SNX20: variants seen among roughly 807,000 people sequenced by gnomAD.
SNX20 encodes sorting nexin-20.
Under a neutral mutation model 24.5 loss-of-function variants are expected in SNX20, and 21 were observed. That is an observed-to-expected ratio of 0.86 (90% CI 0.61 to 1.23). The LOEUF (loss-of-function observed/expected upper bound fraction) is 1.23. Ranked by LOEUF, SNX20 falls within the 50% of genes most tolerant of loss-of-function variation. The probability of loss-of-function intolerance (pLI) is 0.00; values close to 1 mark genes in which losing one functional copy is unlikely to be tolerated. For synonymous variants in SNX20, 206 were observed against 192.8 expected, an observed-to-expected ratio of 1.07 and a Z score of -0.57; for missense variants, 433 against 430.8, an observed-to-expected ratio of 1.00 and a Z score of -0.04.
downstream of SNX20, chr16:50,669,188 T>C: frequency 4.3e-6 from 4 of 931,342 alleles, no homozygotes; most frequent in Non-Finnish European, 5.2e-6. Flanking sequence ...TAAAGGCGTG[T>C]CAGTCCATTT....
At chr16:50,674,861 T>C (rs1215952104) in intron 3 of SNX20, among the ~76,000 whole-genome samples, 2 of 152,132 alleles carry the variant, frequency 1.3e-5, no homozygotes, top group Non-Finnish European at 1.5e-5. Flanking sequence ...TTACGGGCAA[T>C]TATATATTAA....
At position 50,674,073 on chromosome 16, in the gene SNX20, A is replaced by C. The variant is rs780653668; in HGVS notation, c.284T>G (p.Val95Gly). The C allele has an allele frequency of 1.3e-6, 2 of 1,591,400 alleles. No individual in the cohort carries two copies. The highest frequency in any genetic ancestry group is 1.7e-6 in the Non-Finnish European group (2 of 1,167,356). ...AGTCTGGATGACGATGATTTGGTAC[A>C]CCTAGGGCGCAACCAGAGAGAGCTG... ...IEERKVSKFV[V>G]YQIIVIQTGS... The change falls in exon 4 of 4, where the codon GTG becomes GGG. Residue 95 changes from valine (V) to glycine (G), a missense_variant and splice_region_variant. Transcript: ENST00000330943.
downstream of SNX20, chr16:50,669,120 GTC>G: frequency 6.8e-7 from 1 of 1,471,906 alleles, no homozygotes; most frequent in Non-Finnish European, 9.3e-7. Context: ...CCCTGGATAA[GTC>G]ATCTCTCCAG....
In SNX20 at chr16:50,673,458, G is replaced by A. The variant is rs1963098906; in HGVS notation, c.899C>T (p.Thr300Met). Reference protein sequence around the residue: ...RLEESQLRRPTPRGITLKELT... With the variant: ...RLEESQLRRPMPRGITLKELT... ...CTCCTTCAGGGTGATGCCTCGGGGC[G>A]TGGGCCTCCGGAGCTGGCTCTCCTC... is the stretch of plus-strand genomic sequence containing the variant. The change falls in exon 4 of 4, where the codon ACG becomes ATG. Residue 300 changes from threonine to methionine, a missense_variant. Thr to Met is a moderately conservative substitution (Grantham distance 81, BLOSUM62 -1). Coordinates refer to ENST00000330943, the MANE Select transcript of SNX20 (RefSeq NM_182854.4). The surrounding 1 kb of genome is among the most constrained non-coding windows in gnomAD (Gnocchi z 4.1). 1.9e-6 allele frequency: 3 copies of A among 1,599,166 alleles called. No individual in the cohort carries two copies. Among genetic ancestry groups the A allele is most frequent in the Non-Finnish European group, 2.6e-6 (3 of 1,173,724 alleles).
Position 50,677,533 on chromosome 16 carries a change from A to G in SNX20, c.-7T>C, listed in dbSNP as rs746326672. ...GGTGCTCTGGACTTGCCATGCTCCAAGGCTGCCAGAGGAAAAAGAGAACAG... is the reference window on the plus strand; with the variant it reads ...GGTGCTCTGGACTTGCCATGCTCCAGGGCTGCCAGAGGAAAAAGAGAACAG... On this transcript the variant is annotated splice_region_variant and 5_prime_UTR_variant, in exon 2 of 4. Coordinates refer to ENST00000330943, the MANE Select transcript of SNX20 (RefSeq NM_182854.4). The G allele has an allele frequency of 3.2e-6, 5 of 1,560,460 alleles. No individual in the cohort carries two copies. In the South Asian group the frequency reaches 4.6e-5, roughly 14 times the overall value.
chr16:50,674,455 C>T (rs1367238347), intron 3 of SNX20, among the ~76,000 whole-genome samples: 1 of 151,912 alleles, frequency 6.6e-6, no homozygotes, highest in Admixed American at 6.6e-5. Context: ...GCTGTGTTGC[C>T]CAGGCTGGTC....
At chr16:50,675,977 G>A in intron 2 of SNX20, 56 bp from the exon 3 acceptor site, 1 of 1,519,046 alleles carries the variant, frequency 6.6e-7, no homozygotes, top group Non-Finnish European at 8.8e-7. Flanking sequence ...TCCGAGGCAT[G>A]GGCTTGGGGA....
intron 3 of SNX20, 25 bp downstream of exon 3, chr16:50,675,745 C>G (rs112121279): frequency 6.2e-7 from 1 of 1,610,412 alleles, no homozygotes; most frequent in Non-Finnish European, 8.5e-7. Flanking sequence ...GAAAGAGGCT[C>G]CACCATTTCC....
At position 50,672,491 on chromosome 16, in the gene SNX20, C is replaced by G. The variant is rs1963070801; in HGVS notation, c.*915G>C. 1 of 139,176 alleles carries G rather than the reference C, an allele frequency of 7.2e-6. No homozygotes were observed. Among genetic ancestry groups the G allele is most frequent in the East Asian group, 2.1e-4 (1 of 4,792 alleles). The allele number at this position is 139,176 out of a possible 1,614,324, so 8.6% of individuals were successfully genotyped here. Reference sequence around the variant, plus strand: ...CCCTTCAAAAGGATGGCATACAACTCCCACCGTGTGTGTGTGTGTGTGTGT... The same window carrying G: ...CCCTTCAAAAGGATGGCATACAACTGCCACCGTGTGTGTGTGTGTGTGTGT... On this transcript the variant is annotated 3_prime_UTR_variant, in exon 4 of 4. Transcript: ENST00000330943.
At chr16:50,677,667 C>T (rs1963215688) in intron 1 of SNX20, 132 bp from the exon 2 acceptor site, 10 of 990,780 alleles carry the variant, frequency 1.0e-5, no homozygotes, top group Non-Finnish European at 1.4e-5. Context: ...ACGGCTCAAC[C>T]TTCCCCACTC....
At position 50,674,159 on chromosome 16, in the gene SNX20, C is replaced by A. The variant is rs1401271709; in HGVS notation, c.283-85G>T. On this transcript the variant is annotated intron_variant, in intron 3 of 3. Coordinates refer to ENST00000330943, the MANE Select transcript of SNX20 (RefSeq NM_182854.4). ...CACACCCAGAGTAAAGTTAACCAGG[C>A]CGGTGTAAAGCATGCCCTGAAAACG... is the stretch of plus-strand genomic sequence containing the variant. 6 of 1,482,834 alleles carry A rather than the reference C, an allele frequency of 4.0e-6. No homozygotes were observed. In the African/African-American group the frequency reaches 5.8e-5, roughly 14 times the overall value. The allele number at this position is 1,482,834 out of a possible 1,614,324, so 91.9% of individuals were successfully genotyped here.
chr16:50,677,307 C>T (rs962823465), intron 2 of SNX20, 90 bp downstream of exon 2: 17 of 1,424,656 alleles, frequency 1.2e-5, no homozygotes, highest in Non-Finnish European at 1.6e-5. Context: ...CTGCCCGGGC[C>T]TCTTGCTGCA....
At chr16:50,667,914 G>A (rs761041052), downstream of SNX20, 4 of 1,191,532 alleles carry the variant, frequency 3.4e-6, no homozygotes, top group Non-Finnish European at 4.9e-6. Context: ...CTTACCATGG[G>A]GGCAACAGCT....
At chr16:50,668,840 G>A (rs551902727), downstream of SNX20, 22 of 1,328,408 alleles carry the variant, frequency 1.7e-5, no homozygotes, top group South Asian at 4.5e-4. Context: ...ACAGCCACTA[G>A]AGAGCAGAGC....
At chr16:50,668,363 A>C (rs952281791), downstream of SNX20, 9 of 1,109,612 alleles carry the variant, frequency 8.1e-6, no homozygotes, top group Non-Finnish European at 1.0e-5. Context: ...TCTCTCTTTT[A>C]ACAAAAGTCT....
At chr16:50,674,140 C>A in intron 3 of SNX20, 66 bp from the exon 4 acceptor site, 1 of 1,513,238 alleles carries the variant, frequency 6.6e-7, no homozygotes, top group Non-Finnish European at 8.8e-7. Flanking sequence ...GGAGCACACC[C>A]AGAGTAAAGT....
chr16:50,678,149 C>T (rs1390532903), intron 1 of SNX20, among the ~76,000 whole-genome samples: 1 of 152,138 alleles, frequency 6.6e-6, no homozygotes, highest in Non-Finnish European at 1.5e-5. Flanking sequence ...CTGCAGTGAG[C>T]TATGATGATG....
intron 3 of SNX20, 149 bp downstream of exon 3, chr16:50,675,621 G>T: frequency 1.0e-6 from 1 of 965,780 alleles, no homozygotes; most frequent in Non-Finnish European, 1.5e-6. Flanking sequence ...CTGAAATCTT[G>T]CTCTTTGGCC....
At chr16:50,675,741 G>A (rs749042342) in intron 3 of SNX20, 29 bp downstream of exon 3, 5 of 1,610,326 alleles carry the variant, frequency 3.1e-6, no homozygotes, top group Non-Finnish European at 4.2e-6. Flanking sequence ...GAGTGAAAGA[G>A]GCTCCACCAT....
Sources: gnomAD v4.1 joint callset for allele counts (sites outside exome capture counted in the v4.1 genomes callset) on GRCh38, gnomAD v4.1.1 for gene constraint, Gnocchi (gnomAD v3.1) non-coding constraint, MANE v1.5 for transcripts, NCBI Gene and HGNC (gene_info 2026-07-23, HGNC 2026-07-21) for gene names.